SH3BGRL2: variants seen among roughly 807,000 people sequenced by gnomAD.
The protein encoded by SH3BGRL2 is SH3 domain binding glutamate rich protein like 2, also known as SH3 domain-binding glutamic acid-rich-like protein 2.
Under a neutral mutation model 14.8 loss-of-function variants are expected in SH3BGRL2, and 21 were observed. That is an observed-to-expected ratio of 1.42 (90% CI 1.01 to 2.05). The LOEUF (loss-of-function observed/expected upper bound fraction) is 2.05. SH3BGRL2 is among the 30% of genes most tolerant of loss of function. The probability of loss-of-function intolerance (pLI) is 0.00; values close to 1 mark genes in which losing one functional copy is unlikely to be tolerated. For missense variants in SH3BGRL2, 147 were observed against 130.8 expected (o/e 1.12, Z -0.61); for synonymous variants, 50 against 47.8 (o/e 1.05, Z -0.19).
chr6:79,683,702 C>T (rs146912057), intron 2 of SH3BGRL2, among the ~76,000 whole-genome samples: 1 of 152,210 alleles, frequency 6.6e-6, no homozygotes, highest in East Asian at 1.9e-4. Context: ...CCGCCTTGGC[C>T]TCCCAAAGTG....
At chr6:79,579,747 G>T in the SH3BGRL2 span, among the ~76,000 whole-genome samples, 1 of 151,838 alleles carries the variant, frequency 6.6e-6, no homozygotes, top group African/African-American at 2.4e-5. Context: ...ATAATTAATT[G>T]GCAAAATAAC....
chr6:79,586,705 G>A, the SH3BGRL2 span, among the ~76,000 whole-genome samples: 1 of 152,118 alleles, frequency 6.6e-6, no homozygotes, highest in East Asian at 1.9e-4. Context: ...CTGTACTAAG[G>A]CCTATCCTCT....
the SH3BGRL2 span, among the ~76,000 whole-genome samples, chr6:79,614,951 G>A: frequency 4.6e-5 from 7 of 152,138 alleles, no homozygotes; most frequent in Non-Finnish European, 1.0e-4. Flanking sequence ...GGCCCAAGGC[G>A]ACCTAGAAGT....
At chr6:79,646,587 G>T (rs74936525) in intron 1 of SH3BGRL2, among the ~76,000 whole-genome samples, 5,322 of 152,258 alleles carry the variant, frequency 0.035, 315 homozygotes, top group African/African-American at 0.12. Context: ...TTTAAAAATT[G>T]TATGTCCCAA....
chr6:79,541,076 G>T, the SH3BGRL2 span, among the ~76,000 whole-genome samples: 11 of 152,090 alleles, frequency 7.2e-5, no homozygotes, highest in Non-Finnish European at 1.5e-4. Context: ...AACATGGTGA[G>T]ACCCCCATTT....
At chr6:79,650,274 C>G (rs1769260941) in intron 1 of SH3BGRL2, among the ~76,000 whole-genome samples, 1 of 152,100 alleles carries the variant, frequency 6.6e-6, no homozygotes, top group South Asian at 2.1e-4. Context: ...AGCATTGAAT[C>G]TCCAGCCAAA....
At chr6:79,611,399 T>C in the SH3BGRL2 span, among the ~76,000 whole-genome samples, 1 of 148,430 alleles carries the variant, frequency 6.7e-6, no homozygotes, top group African/African-American at 2.5e-5. Flanking sequence ...AACTACAGTA[T>C]ATAACTTTTT....
chr6:79,615,232 G>C, the SH3BGRL2 span, among the ~76,000 whole-genome samples: 1 of 152,174 alleles, frequency 6.6e-6, no homozygotes, highest in Non-Finnish European at 1.5e-5. Flanking sequence ...TCACACTTCT[G>C]AGAGTGGGAG....
intron 1 of SH3BGRL2, among the ~76,000 whole-genome samples, chr6:79,665,215 A>C (rs1228277525): frequency 6.6e-6 from 1 of 152,230 alleles, no homozygotes; most frequent in African/African-American, 2.4e-5. Flanking sequence ...AAATAAAAAA[A>C]TAAAAATTCA....
the SH3BGRL2 span, among the ~76,000 whole-genome samples, chr6:79,596,214 A>C: frequency 5.6e-4 from 86 of 152,248 alleles, 1 homozygote; most frequent in Non-Finnish European, 7.5e-4. Context: ...GCTAGAGTGC[A>C]GTGGTGTGAT....
the SH3BGRL2 span, among the ~76,000 whole-genome samples, chr6:79,563,167 C>T: frequency 4.7e-5 from 7 of 150,048 alleles, no homozygotes; most frequent in South Asian, 2.1e-4. Context: ...TTAGTAGAGA[C>T]GGGGTTTCAC....
the SH3BGRL2 span, among the ~76,000 whole-genome samples, chr6:79,593,262 A>G: frequency 6.6e-6 from 1 of 152,196 alleles, no homozygotes; most frequent in African/African-American, 2.4e-5. Context: ...CTAGAGATAT[A>G]TAAGAACTAT....
At chr6:79,668,778 A>T (rs1769713573) in intron 1 of SH3BGRL2, among the ~76,000 whole-genome samples, 4 of 152,200 alleles carry the variant, frequency 2.6e-5, no homozygotes, top group Admixed American at 2.6e-4. Context: ...AAATTAACTG[A>T]CAATAGAATT....
chr6:79,582,915 C>T, the SH3BGRL2 span, among the ~76,000 whole-genome samples: 5 of 152,078 alleles, frequency 3.3e-5, no homozygotes, highest in Non-Finnish European at 4.4e-5. Flanking sequence ...CCAGAATCTA[C>T]AAAGAACTCA....
At chr6:79,597,045 C>T in the SH3BGRL2 span, among the ~76,000 whole-genome samples, 1 of 152,222 alleles carries the variant, frequency 6.6e-6, no homozygotes, top group East Asian at 1.9e-4. Flanking sequence ...GCCTGGCCAA[C>T]ATGGCAAAAC....
chr6:79,585,454 C>T, the SH3BGRL2 span, among the ~76,000 whole-genome samples: 1 of 152,122 alleles, frequency 6.6e-6, no homozygotes, highest in Admixed American at 6.6e-5. Flanking sequence ...AAATAAGAGG[C>T]ATTGAGATTA....
In SH3BGRL2 at chr6:79,677,107, A is replaced by G. The variant is rs1769900606; in HGVS notation, c.231+3308A>G. On this transcript the variant is annotated intron_variant, in intron 2 of 3. Coordinates refer to ENST00000369838, the MANE Select transcript of SH3BGRL2 (RefSeq NM_031469.4). The stretch of plus-strand genomic sequence containing the variant: ...TAAATTTGACTTTGACATAAGCATT[A>G]GAGGGCAACTAACCACAGGCCTTGT... 2.0e-5 allele frequency among the ~76,000 whole-genome samples: 3 copies of G among 152,306 alleles called. No homozygotes were observed. The South Asian group carries it at 6.2e-4, about 32-fold the overall frequency.
chr6:79,684,960 A>G (rs550714004), intron 2 of SH3BGRL2, among the ~76,000 whole-genome samples: 2 of 152,310 alleles, frequency 1.3e-5, no homozygotes, highest in Non-Finnish European at 1.5e-5. Context: ...AGAGGGTGTG[A>G]TACAAATTCT....
chr6:79,578,363 C>G, the SH3BGRL2 span, among the ~76,000 whole-genome samples: 1 of 152,196 alleles, frequency 6.6e-6, no homozygotes, highest in Non-Finnish European at 1.5e-5. Flanking sequence ...CTGGGAGACA[C>G]CTCCCAGCAG....
Sources: allele counts gnomAD v4.1 joint callset (sites outside exome capture counted in the v4.1 genomes callset), GRCh38; gene constraint gnomAD v4.1.1; transcripts MANE v1.5; gene names NCBI Gene and HGNC (gene_info 2026-07-23, HGNC 2026-07-21).